PLS1: variants seen among roughly 807,000 people sequenced by gnomAD.
PLS1 encodes the protein plastin-1.
A neutral mutation model predicts 73.7 loss-of-function variants in PLS1; 32 were observed. That is an observed-to-expected ratio of 0.43 (90% confidence interval 0.33 to 0.58). The LOEUF (loss-of-function observed/expected upper bound fraction) is 0.58. Among genes scored for constraint, PLS1 ranks in the 20% least tolerant of loss-of-function variants. The pLI is 0.04. For synonymous variants in PLS1, 217 were observed against 261.3 expected (o/e 0.83, Z 1.63); for missense variants, 633 against 740.5 (o/e 0.85, Z 1.68).
At chr3:142,687,994 C>A (rs2038008502) in intron 9 of PLS1, among the ~76,000 whole-genome samples, 1 of 149,906 alleles carries the variant, frequency 6.7e-6, no homozygotes, top group Non-Finnish European at 1.5e-5. Context: ...GTCGCCCAGG[C>A]TGGAGTGCAG....
chr3:142,602,384 A>C (rs904430134), intron 1 of PLS1, among the ~76,000 whole-genome samples: 1 of 152,284 alleles, frequency 6.6e-6, no homozygotes, highest in East Asian at 1.9e-4. Flanking sequence ...CTGGGGTGTC[A>C]GGATCCACTG....
chr3:142,600,897 TATATATATA>T (rs2035905026), intron 1 of PLS1, among the ~76,000 whole-genome samples: 4 of 29,802 alleles, frequency 1.3e-4, no homozygotes, highest in African/African-American at 3.7e-4. Context: ...TATATATATA[TATATATATA>T]TATATATATA....
intron 1 of PLS1, among the ~76,000 whole-genome samples, chr3:142,654,417 C>G (rs910510690): frequency 4.6e-5 from 7 of 152,182 alleles, no homozygotes; most frequent in Non-Finnish European, 8.8e-5. Flanking sequence ...ACAATCATAG[C>G]TCACTATAGC....
At chr3:142,655,089 A>C (rs1050799134) in intron 1 of PLS1, 2 of 152,216 alleles carry the variant, frequency 1.3e-5, no homozygotes, top group African/African-American at 4.8e-5. Context: ...GTGGGATGAA[A>C]ATAAAATAGC....
chr3:142,599,190 A>AAATAAATG (rs1560023487), intron 1 of PLS1, among the ~76,000 whole-genome samples: 1 of 151,302 alleles, frequency 6.6e-6, no homozygotes, highest in East Asian at 1.9e-4. Flanking sequence ...ATAAATAAAT[A>AAATAAATG]AATAAATAAA....
chr3:142,682,402 A>T (rs1341705808), intron 6 of PLS1, among the ~76,000 whole-genome samples: 6 of 152,190 alleles, frequency 3.9e-5, no homozygotes, highest in Admixed American at 2.6e-4. Context: ...AGACAAGAGG[A>T]TAGCACACAA....
chr3:142,645,545 G>A (rs2036935592), intron 1 of PLS1: 1 of 152,204 alleles, frequency 6.6e-6, no homozygotes, highest in African/African-American at 2.4e-5. Context: ...GAAATTCCCA[G>A]CTAGAACTGG....
At chr3:142,600,904 A>G (rs866426865) in intron 1 of PLS1, among the ~76,000 whole-genome samples, 3 of 30,446 alleles carry the variant, frequency 9.9e-5, no homozygotes, top group African/African-American at 7.0e-4. Flanking sequence ...ATATATATAT[A>G]TATATATATA....
chr3:142,641,235 C>A, intron 1 of PLS1, among the ~76,000 whole-genome samples: 1 of 140,856 alleles, frequency 7.1e-6, no homozygotes, highest in African/African-American at 2.6e-5. Flanking sequence ...TATATAATAT[C>A]TATATATCTA....
At position 142,647,022 on chromosome 3, in the gene PLS1, C is replaced by A. The variant is rs367722340; in HGVS notation, c.-36-17180C>A. ...AGAAGAAATGCATTTTTGACCTATTCGGGTGGAAAAAGGGAGAGTCCTTAA... is the reference window on the plus strand; with the variant it reads ...AGAAGAAATGCATTTTTGACCTATTAGGGTGGAAAAAGGGAGAGTCCTTAA... On this transcript the variant is annotated intron_variant, in intron 1 of 15. Transcript: ENST00000457734. Among the ~76,000 whole-genome samples, 13 of 151,974 alleles carry A rather than the reference C, an allele frequency of 8.6e-5. 1 individual carries two copies. In the East Asian group the frequency reaches 9.6e-4, roughly 11 times the overall value.
chr3:142,678,151 G>A (rs1413535076), intron 6 of PLS1, 38 bp downstream of exon 6: 1 of 989,958 alleles, frequency 1.0e-6, no homozygotes, highest in Non-Finnish European at 1.5e-6. Context: ...ATGTTACTAT[G>A]CTGAGAAATA....
Position 142,671,056 on chromosome 3 carries a change from G to A in PLS1, c.298G>A (p.Glu100Lys). The A allele has an allele frequency of 3.7e-6, 6 of 1,604,926 alleles. No homozygotes were observed. Among genetic ancestry groups the A allele is most frequent in the Non-Finnish European group, 5.1e-6 (6 of 1,172,138 alleles). Reference protein sequence around the residue: ...KTFRKIINKREGITAIGGTST... With the variant: ...KTFRKIINKRKGITAIGGTST... ...ATTCCGAAAAATAATTAACAAGAGG[G>A]AAGGGATTACTGCTATTGGAGGAAC... Residue 100 changes from glutamate to lysine, a missense_variant, in exon 4 of 16, where the codon GAA (glutamate) becomes AAA (lysine). Transcript: ENST00000457734.
intron 1 of PLS1, among the ~76,000 whole-genome samples, chr3:142,639,938 A>G (rs1437331666): frequency 6.6e-6 from 1 of 152,208 alleles, no homozygotes; most frequent in Admixed American, 6.5e-5. Flanking sequence ...GAGCCATTTT[A>G]TATTACTAGT....
intron 6 of PLS1, among the ~76,000 whole-genome samples, chr3:142,679,028 G>C (rs1464280453): frequency 5.9e-5 from 9 of 151,872 alleles, no homozygotes; most frequent in Non-Finnish European, 8.8e-5. Context: ...GGCCAGTGAT[G>C]ATGAGCATTT....
chr3:142,640,371 T>A (rs2036804962), intron 1 of PLS1, among the ~76,000 whole-genome samples: 1 of 152,144 alleles, frequency 6.6e-6, no homozygotes, highest in South Asian at 2.1e-4. Context: ...TTTTCAGAGA[T>A]AACTTGAAAA....
intron 1 of PLS1, among the ~76,000 whole-genome samples, chr3:142,631,664 GAAAAAAAAAAAAA>G (rs71153981): frequency 8.6e-4 from 34 of 39,452 alleles, no homozygotes; most frequent in Admixed American, 4.4e-3. Flanking sequence ...CCTGTCTCTA[GAAAAAAAAAAAAA>G]AAAAAAAAAA....
At chr3:142,650,528 C>T (rs2037064659) in intron 1 of PLS1, among the ~76,000 whole-genome samples, 1 of 152,000 alleles carries the variant, frequency 6.6e-6, no homozygotes, top group South Asian at 2.1e-4. Flanking sequence ...TTACAAAAGC[C>T]TTGTTACGTC....
chr3:142,604,905 C>T (rs1205232474), intron 1 of PLS1, among the ~76,000 whole-genome samples: 1 of 148,450 alleles, frequency 6.7e-6, no homozygotes, highest in Non-Finnish European at 1.5e-5. Context: ...ACTGCATCTC[C>T]AGCCTGGGCA....
intron 1 of PLS1, among the ~76,000 whole-genome samples, chr3:142,609,031 G>A (rs904153832): frequency 6.6e-6 from 1 of 152,228 alleles, no homozygotes; most frequent in Non-Finnish European, 1.5e-5. Flanking sequence ...TGGAGTAGAT[G>A]TGGTAATACT....
Sources: allele counts gnomAD v4.1 joint callset (sites outside exome capture counted in the v4.1 genomes callset), GRCh38; gene constraint gnomAD v4.1.1; transcripts MANE v1.5; gene names NCBI Gene and HGNC (gene_info 2026-07-23, HGNC 2026-07-21).